P3H1: variants seen among roughly 807,000 people sequenced by gnomAD.
P3H1 encodes the protein prolyl 3-hydroxylase 1, also known as growth suppressor 1.
A neutral mutation model predicts 84.0 loss-of-function variants in P3H1; 69 were observed. The ratio of observed to expected loss-of-function variants is 0.82; its 90% CI spans 0.68 to 1.00. P3H1 has a LOEUF of 1.00. Among genes scored for constraint, P3H1 ranks in the 50% least tolerant of loss-of-function variants. The pLI is 0.00. For missense variants in P3H1, 878 were observed against 962.8 expected (o/e 0.91, Z 1.17); for synonymous variants, 366 against 388.8 (o/e 0.94, Z 0.69).
chr1:42,754,861 C>T lies in P3H1; in HGVS notation c.1345+8G>A. ...CAGCCAGACATGCCCCTATTTCTGT[C>T]CTCTCACCTTCCCGGGTCAGTCTGC... is the stretch of plus-strand genomic sequence containing the variant. On this transcript the variant is annotated splice_region_variant and intron_variant, in intron 8 of 14. Transcript: ENST00000296388. The surrounding 1 kb of genome is among the most constrained non-coding windows in gnomAD (Gnocchi z 4.0). 6.2e-7 allele frequency: 1 copy of T among 1,614,174 alleles called. No homozygotes were observed. The highest frequency in any genetic ancestry group is 2.2e-5 in the East Asian group (1 of 44,884).
At chr1:42,750,924 C>T (rs1290409658) in intron 10 of P3H1, among the ~76,000 whole-genome samples, 21 of 140,326 alleles carry the variant, frequency 1.5e-4, no homozygotes, top group African/African-American at 4.5e-4. Context: ...CCTGGCCAGC[C>T]GCCCCGTCCG....
At position 42,762,422 on chromosome 1, in the gene P3H1, A is replaced by C; in HGVS notation, c.519T>G (p.Asn173Lys). The change falls in exon 2 of 15, where the codon AAT becomes AAG. Residue 173 changes from asparagine to lysine, a missense_variant. Coordinates refer to ENST00000296388, the MANE Select transcript of P3H1 (RefSeq NM_022356.4). ...TCTGCTGCATTTCCATGTGCTCAGG[A>C]TTGCCCACGAAGAAGGTGTGTGCTG... is the stretch of plus-strand genomic sequence containing the variant. ...VAAAHTFFVG[N>K]PEHMEMQQNL... 6.2e-7 allele frequency: 1 copy of C among 1,614,152 alleles called. No individual in the cohort carries two copies. Among genetic ancestry groups the C allele is most frequent in the Non-Finnish European group, 8.5e-7 (1 of 1,180,004 alleles).
intron 10 of P3H1, among the ~76,000 whole-genome samples, chr1:42,750,709 G>A (rs1233987710): frequency 5.9e-4 from 70 of 118,160 alleles, no homozygotes; most frequent in East Asian, 2.4e-4. Flanking sequence ...TCAGCCCCCC[G>A]CCCGGCCGGC....
At position 42,746,620 on chromosome 1, in the gene P3H1, G is replaced by A. The variant is rs13871; in HGVS notation, c.*77C>T. 0.045 allele frequency: 56,934 copies of A among 1,253,560 alleles called. 1,611 individuals carry two copies. Among genetic ancestry groups the A allele is most frequent in the African/African-American group, 0.11 (7,365 of 67,164 alleles). 77.7% of individuals were successfully genotyped at this position (1,253,560 alleles called of 1,614,324 possible). On this transcript the variant is annotated 3_prime_UTR_variant, in exon 15 of 15. Transcript: ENST00000296388. ...TGTAGGCTCACTGCTCTGCAGCCCC[G>A]AGGGGCTGGCCAGCTCAGAGTGCAG... is the stretch of plus-strand genomic sequence containing the variant.
At chr1:42,748,121 G>T (rs886448289) in intron 12 of P3H1, 79 bp downstream of exon 12, 2 of 1,004,834 alleles carry the variant, frequency 2.0e-6, no homozygotes, top group Non-Finnish European at 1.6e-6. Context: ...GTGCTAGGGT[G>T]GGGTAGTAGA....
chr1:42,763,282 TG>T (rs1652813378), intron 1 of P3H1, among the ~76,000 whole-genome samples: 1 of 152,008 alleles, frequency 6.6e-6, no homozygotes, highest in Non-Finnish European at 1.5e-5. Flanking sequence ...AAAAGGTGGA[TG>T]GCTAAAAATT....
intron 1 of P3H1, among the ~76,000 whole-genome samples, chr1:42,764,465 G>A (rs369523001): frequency 5.9e-5 from 9 of 151,382 alleles, no homozygotes; most frequent in East Asian, 1.9e-4. Flanking sequence ...AAAGAGACAG[G>A]CCAGCATCAC....
intron 11 of P3H1, 76 bp downstream of exon 11, chr1:42,750,110 T>C (rs1651945439): frequency 6.5e-7 from 1 of 1,534,448 alleles, no homozygotes; most frequent in Admixed American, 1.9e-5. Flanking sequence ...TCCTGTTCTC[T>C]CTGTGTCTTC....
intron 13 of P3H1, 48 bp from the exon 14 acceptor site, chr1:42,747,460 A>G: frequency 6.4e-7 from 1 of 1,561,596 alleles, no homozygotes. Flanking sequence ...AAAGACTGTA[A>G]TCCACTCTCA....
At position 42,766,906 on chromosome 1, in the gene P3H1, G is replaced by T; in HGVS notation, c.66C>A (p.Ala22=). 1 of 1,609,222 alleles carries T rather than the reference G, an allele frequency of 6.2e-7. No homozygotes were observed. ...LLAVVAAASQ[A]EVESEAGWGM... is the part of the protein sequence containing the mutation. ...CCCATCCTGCCTCGGACTCGACCTC[G>T]GCTTGGGAGGCAGCGGCCACGACAG... The change falls in exon 1 of 15, where the codon GCC becomes GCA. Residue 22 remains alanine (A), a synonymous_variant. Coordinates refer to ENST00000296388, the MANE Select transcript of P3H1 (RefSeq NM_022356.4).
intron 1 of P3H1, among the ~76,000 whole-genome samples, chr1:42,764,772 AAATAACT>A: frequency 1.3e-5 from 2 of 152,316 alleles, no homozygotes; most frequent in East Asian, 3.9e-4. Context: ...GACCCAAGGT[AAATAACT>A]CCCCATCTCT....
In P3H1 at chr1:42,757,883, T is replaced by C. The variant is rs1454717997; in HGVS notation, c.980A>G (p.Tyr327Cys). The change falls in exon 5 of 15, where the codon TAT becomes TGT. Residue 327 changes from tyrosine to cysteine, a missense_variant. Tyr to Cys is a radical substitution (Grantham distance 194). Transcript: ENST00000296388. ...YTQAVECAKT[Y>C]LLFFPNDEVM... ...CTCGTCATTGGGGAAGAAGAGAAGA[T>C]AGGTCTTGGCACATTCAACAGCCTG... 1.4e-5 allele frequency: 23 copies of C among 1,614,052 alleles called. No individual in the cohort carries two copies. The highest frequency in any genetic ancestry group is 1.9e-5 in the Non-Finnish European group (22 of 1,180,028).
In P3H1 at chr1:42,759,265, C is replaced by T; in HGVS notation, c.744G>A (p.Gly248=). 1 of 1,614,136 alleles carries T rather than the reference C, an allele frequency of 6.2e-7. No homozygotes were observed. Among genetic ancestry groups the T allele is most frequent in the Non-Finnish European group, 8.5e-7 (1 of 1,180,030 alleles). ...AGTTGTAGCCATCGTAGTCATAGGG[C>T]CCTTCGCAGAGGGCACGGCACTCCT... The part of the protein sequence containing the change: ...AYEECRALCE[G]PYDYDGYNYL... Residue 248 remains glycine, a synonymous_variant, in exon 3 of 15, where the codon GGG becomes GGA. Transcript: ENST00000296388.
Position 42,752,604 on chromosome 1 carries a change from G to A in P3H1, c.1406C>T (p.Ser469Phe), listed in dbSNP as rs2124110566. 1 of 1,614,182 alleles carries A rather than the reference G, an allele frequency of 6.2e-7. No homozygotes were observed. The highest frequency in any genetic ancestry group is 8.5e-7 in the Non-Finnish European group (1 of 1,180,024). Residue 469 changes from serine (S) to phenylalanine (F), a missense_variant, in exon 9 of 15, where the codon TCC (serine) becomes TTC (phenylalanine). Ser to Phe is a radical substitution (Grantham distance 155). Transcript: ENST00000296388. ...LTMNSKLLNGSQRVVMDGVIS... is the reference protein window; with the variant it reads ...LTMNSKLLNGFQRVVMDGVIS... ...TACGCCGTCCATCACCACCCGCTGG[G>A]AACCATTCAGGAGTTTGGAGTTCAT...
At chr1:42,760,658 CT>C (rs1043498372) in intron 2 of P3H1, 2 of 152,202 alleles carry the variant, frequency 1.3e-5, no homozygotes, top group Non-Finnish European at 1.5e-5. Context: ...ACACAACTTA[CT>C]TTTTTTTGTG....
rs781569364 is a variant in P3H1, at chr1:42,766,752, G to C, written c.220C>G (p.Arg74Gly). 2 of 1,585,270 alleles carry C rather than the reference G, an allele frequency of 1.3e-6. No homozygotes were observed. The highest frequency in any genetic ancestry group is 1.7e-6 in the Non-Finnish European group (2 of 1,167,924). The change falls in exon 1 of 15, where the codon CGC (arginine) becomes GGC (glycine). Residue 74 changes from arginine (R) to glycine (G), a missense_variant. Transcript: ENST00000296388. ...TCGGCGGCACACTGGGTGCGGCAGCGCAGGCGAAGGGCGCGGAGGGCTGCC... is the reference window on the plus strand; with the variant it reads ...TCGGCGGCACACTGGGTGCGGCAGCCCAGGCGAAGGGCGCGGAGGGCTGCC... ...SRAALRALRL[R>G]CRTQCAADFP...
Position 42,754,813 on chromosome 1 carries a change from TGACCTGCCTGG to T in P3H1, c.1345+45_1345+55del. On this transcript the variant is annotated intron_variant, in intron 8 of 14. Coordinates refer to ENST00000296388, the MANE Select transcript of P3H1 (RefSeq NM_022356.4). The surrounding 1 kb of genome is among the most constrained non-coding windows in gnomAD (Gnocchi z 4.0). ...GGAGCGCTGCCTGGCAAATGTGGGG[TGACCTGCCTGG>T]CTCCCTGACAACAGCCAGACATGCC... is the stretch of plus-strand genomic sequence containing the variant. 1.2e-6 allele frequency: 2 copies of T among 1,612,850 alleles called. No homozygotes were observed. Among genetic ancestry groups the T allele is most frequent in the Admixed American group, 3.3e-5 (2 of 59,982 alleles).
At chr1:42,763,124 T>C (rs1303232815) in intron 1 of P3H1, among the ~76,000 whole-genome samples, 1 of 151,526 alleles carries the variant, frequency 6.6e-6, no homozygotes, top group African/African-American at 2.4e-5. Flanking sequence ...ATGAATCAAA[T>C]GTAATGCCTG....
In P3H1 at chr1:42,762,335, A is replaced by C. The variant is rs751428686; in HGVS notation, c.606T>G (p.Thr202=). ...VKEADFKDLE[T]QPHMQEFRLG... The stretch of plus-strand genomic sequence containing the variant: ...AAGTTTTTTTCACCATATGGGGTTG[A>C]GTCTCAAGATCCTTGAAGTCGGCCT... Residue 202 remains threonine (T), a synonymous_variant, in exon 2 of 15, where the codon ACT becomes ACG. Transcript: ENST00000296388. The C allele has an allele frequency of 6.2e-7, 1 of 1,613,986 alleles. No individual in the cohort carries two copies. Among genetic ancestry groups the C allele is most frequent in the Non-Finnish European group, 8.5e-7 (1 of 1,179,968 alleles).
Sources: allele counts gnomAD v4.1 joint callset (sites outside exome capture counted in the v4.1 genomes callset), GRCh38; gene constraint gnomAD v4.1.1; non-coding constraint Gnocchi (gnomAD v3.1); transcripts MANE v1.5; gene names NCBI Gene and HGNC (gene_info 2026-07-23, HGNC 2026-07-21).